SRBD1: variants seen among roughly 807,000 people sequenced by gnomAD.
SRBD1 encodes S1 RNA-binding domain-containing protein 1.
Under a neutral mutation model 115.3 loss-of-function variants are expected in SRBD1, and 88 were observed. The observed-to-expected ratio is 0.76, with a 90% CI of 0.64 to 0.91. The LOEUF is 0.91. SRBD1 is among the 40% of genes least tolerant of loss of function. The pLI, the probability that SRBD1 is intolerant of heterozygous loss-of-function variation, is 0.00. For synonymous variants in SRBD1, 509 were observed against 407.7 expected (o/e 1.25, Z -2.99); for missense variants, 1,385 against 1,177.4 (o/e 1.18, Z -2.58).
At chr2:45,610,336 C>T (rs1420839464) in intron 1 of SRBD1, among the ~76,000 whole-genome samples, 1 of 152,184 alleles carries the variant, frequency 6.6e-6, no homozygotes, top group East Asian at 1.9e-4. Context: ...TAAGAAGCAC[C>T]TAAACAAGTT....
intron 4 of SRBD1, among the ~76,000 whole-genome samples, chr2:45,590,665 C>T (rs539012629): frequency 5.9e-5 from 9 of 152,278 alleles, no homozygotes; most frequent in East Asian, 5.8e-4. Flanking sequence ...CTTCCCCTTC[C>T]GCCATGATTG....
intron 6 of SRBD1, 53 bp downstream of exon 6, chr2:45,581,640 C>T: frequency 1.4e-6 from 2 of 1,391,958 alleles, no homozygotes; most frequent in Non-Finnish European, 2.0e-6. Flanking sequence ...ATAAGAAGAC[C>T]CAAATTGCAA....
intron 9 of SRBD1, among the ~76,000 whole-genome samples, chr2:45,565,713 CAT>C (rs1308456497): frequency 1.3e-5 from 2 of 152,170 alleles, no homozygotes; most frequent in Non-Finnish European, 2.9e-5. Flanking sequence ...TTTTGCAAAT[CAT>C]ATGTCACATA....
At chr2:45,516,929 T>C (rs964322569) in intron 14 of SRBD1, among the ~76,000 whole-genome samples, 1 of 152,218 alleles carries the variant, frequency 6.6e-6, no homozygotes, top group Non-Finnish European at 1.5e-5. Flanking sequence ...TGTCTGAGGA[T>C]ACATCAGTAA....
chr2:45,445,550 T>TAAAAA (rs59451865), intron 16 of SRBD1, among the ~76,000 whole-genome samples: 638 of 37,012 alleles, frequency 0.017, 40 homozygotes, highest in Non-Finnish European at 0.023. Context: ...TTCCCAGAGG[T>TAAAAA]AAAAAAAAAA....
At position 45,562,636 on chromosome 2, in the gene SRBD1, A is replaced by G; in HGVS notation, c.1409+17T>C. The G allele has an allele frequency of 6.4e-7, 1 of 1,555,788 alleles. No individual in the cohort carries two copies. Among genetic ancestry groups the G allele is most frequent in the African/African-American group, 1.4e-5 (1 of 72,164 alleles). On this transcript the variant is annotated intron_variant, in intron 10 of 20. Coordinates refer to ENST00000263736, the MANE Select transcript of SRBD1 (RefSeq NM_018079.5). Reference sequence around the variant, plus strand: ...GAAAAGAAACAAAGAAAATTCTGTAAATATCTGTAAACAGACCTGTTTTGG... The same window carrying G: ...GAAAAGAAACAAAGAAAATTCTGTAGATATCTGTAAACAGACCTGTTTTGG...
At chr2:45,476,218 G>C (rs1458050226) in intron 16 of SRBD1, among the ~76,000 whole-genome samples, 4 of 152,022 alleles carry the variant, frequency 2.6e-5, no homozygotes, top group Admixed American at 2.6e-4. Flanking sequence ...AGTACTCCAG[G>C]ACACTGCCTC....
intron 9 of SRBD1, among the ~76,000 whole-genome samples, chr2:45,569,889 T>C (rs1306267022): frequency 6.6e-6 from 1 of 152,238 alleles, no homozygotes; most frequent in Non-Finnish European, 1.5e-5. Context: ...CAAGCTATCC[T>C]TCAAGTGTTA....
At chr2:45,585,005 T>G (rs1354946963) in intron 5 of SRBD1, among the ~76,000 whole-genome samples, 4 of 151,894 alleles carry the variant, frequency 2.6e-5, no homozygotes, top group Non-Finnish European at 5.9e-5. Context: ...ACAAAATTAG[T>G]GGGGCGTGGT....
chr2:45,420,242 G>A (rs776297911), intron 16 of SRBD1, among the ~76,000 whole-genome samples: 22 of 152,136 alleles, frequency 1.4e-4, no homozygotes, highest in Non-Finnish European at 2.8e-4. Flanking sequence ...GGTCTAGGGT[G>A]GGGTCTAAGA....
intron 7 of SRBD1, 152 bp downstream of exon 7, chr2:45,579,723 T>C (rs1369745716): frequency 3.3e-6 from 3 of 900,360 alleles, no homozygotes; most frequent in South Asian, 4.7e-5. Flanking sequence ...GGCTACTCAA[T>C]AGGTATGTCA....
chr2:45,548,318 A>G (rs1177159679), intron 12 of SRBD1, among the ~76,000 whole-genome samples: 2 of 151,970 alleles, frequency 1.3e-5, no homozygotes, highest in Admixed American at 1.3e-4. Flanking sequence ...AGAAAAACAT[A>G]CTTTTAGCAA....
chr2:45,444,831 C>T (rs770824952), intron 16 of SRBD1, among the ~76,000 whole-genome samples: 32 of 152,186 alleles, frequency 2.1e-4, no homozygotes, highest in Non-Finnish European at 8.8e-5. Flanking sequence ...GAGACAAAGC[C>T]TCTGGCCCTG....
At chr2:45,489,678 A>G (rs1670233737) in intron 14 of SRBD1, among the ~76,000 whole-genome samples, 2 of 152,166 alleles carry the variant, frequency 1.3e-5, no homozygotes, top group Admixed American at 1.3e-4. Flanking sequence ...TACAGACATT[A>G]TCTCATTTAA....
At chr2:45,437,342 A>C (rs1668527499) in intron 16 of SRBD1, among the ~76,000 whole-genome samples, 1 of 139,230 alleles carries the variant, frequency 7.2e-6, no homozygotes, top group Non-Finnish European at 1.5e-5. Context: ...TAATCAAGAC[A>C]CTGCAGTATT....
In SRBD1 at chr2:45,488,352, G is replaced by A. The variant is rs187579532; in HGVS notation, c.1875-21C>T. The A allele has an allele frequency of 2.6e-5, 42 of 1,598,600 alleles. No homozygotes were observed. In the Middle Eastern group the frequency reaches 5.0e-4, roughly 19 times the overall value. The stretch of plus-strand genomic sequence containing the variant: ...CGATACTGAGAAGACAGAAAAAGGG[G>A]AATATCACTTTCCTAACTTCCTGCC... On this transcript the variant is annotated intron_variant, in intron 14 of 20. Transcript: ENST00000263736.
intron 16 of SRBD1, among the ~76,000 whole-genome samples, chr2:45,429,023 A>G (rs1366734707): frequency 6.6e-6 from 1 of 152,252 alleles, no homozygotes; most frequent in East Asian, 1.9e-4. Flanking sequence ...AAACACCTTT[A>G]CGCAAATAAA....
chr2:45,498,204 T>A (rs1670520362), intron 14 of SRBD1, among the ~76,000 whole-genome samples: 1 of 152,112 alleles, frequency 6.6e-6, no homozygotes. Context: ...TTTTCTAACC[T>A]TCTTTAGTGA....
chr2:45,544,943 G>C (rs1672061677), intron 14 of SRBD1, among the ~76,000 whole-genome samples: 2 of 152,086 alleles, frequency 1.3e-5, no homozygotes, highest in Non-Finnish European at 2.9e-5. Flanking sequence ...AGCTAAGAAA[G>C]GCTAAGTAAC....
Sources: gnomAD v4.1 joint callset for allele counts (sites outside exome capture counted in the v4.1 genomes callset) on GRCh38, gnomAD v4.1.1 for gene constraint, MANE v1.5 for transcripts, NCBI Gene and HGNC (gene_info 2026-07-23, HGNC 2026-07-21) for gene names.